ATRNL1: variants seen among roughly 807,000 people sequenced by gnomAD.
ATRNL1 encodes the protein attractin-like protein 1.
ATRNL1 carries 95 observed loss-of-function variants against 182.7 expected under a neutral mutation model. The observed-to-expected ratio is 0.52, with a 90% CI of 0.44 to 0.62. The LOEUF is 0.62. Ranked by LOEUF, ATRNL1 falls within the 20% of genes least tolerant of loss-of-function variation. The probability of loss-of-function intolerance (pLI) is 0.00; values close to 1 mark genes in which losing one functional copy is unlikely to be tolerated. For missense variants in ATRNL1, 1,471 were observed against 1,679.5 expected, an observed-to-expected ratio of 0.88 and a Z score of 2.17; for synonymous variants, 576 against 568.3, an observed-to-expected ratio of 1.01 and a Z score of -0.19.
intron 9 of ATRNL1, among the ~76,000 whole-genome samples, chr10:115,222,641 C>T (rs1287044942): frequency 1.9e-4 from 29 of 152,092 alleles, no homozygotes; most frequent in Admixed American, 1.8e-3. Context: ...ATCCAGAATA[C>T]ATGTTTTCAA....
chr10:115,361,312 T>C (rs566486719), intron 19 of ATRNL1, among the ~76,000 whole-genome samples: 1 of 152,044 alleles, frequency 6.6e-6, no homozygotes, highest in African/African-American at 2.4e-5. Flanking sequence ...TGTCTATGTA[T>C]GTATGTATGT....
At chr10:115,249,595 G>A (rs115607477) in intron 10 of ATRNL1, among the ~76,000 whole-genome samples, 1,788 of 152,158 alleles carry the variant, frequency 0.012, 34 homozygotes, top group African/African-American at 0.04. Context: ...TTGATCTTAT[G>A]TGTATTGAGT....
chr10:115,820,225 C>A (rs1950260311), intron 27 of ATRNL1: 1 of 152,126 alleles, frequency 6.6e-6, no homozygotes, highest in Non-Finnish European at 1.5e-5. Context: ...TTTTCCCCTT[C>A]ATCATTTCAT....
At chr10:115,391,509 T>G (rs1844016029) in intron 19 of ATRNL1, among the ~76,000 whole-genome samples, 1 of 152,148 alleles carries the variant, frequency 6.6e-6, no homozygotes, top group Non-Finnish European at 1.5e-5. Context: ...AGTTGAGTGC[T>G]TATTTCATTC....
At chr10:115,192,163 A>T (rs1195532429) in intron 8 of ATRNL1, among the ~76,000 whole-genome samples, 1 of 152,000 alleles carries the variant, frequency 6.6e-6, no homozygotes, top group African/African-American at 2.4e-5. Context: ...TACTCAAGAA[A>T]TCTGCCCAGA....
chr10:115,155,699 A>G (rs1405480198), intron 5 of ATRNL1, among the ~76,000 whole-genome samples: 1 of 152,110 alleles, frequency 6.6e-6, no homozygotes, highest in Non-Finnish European at 1.5e-5. Flanking sequence ...AGTACTTTTC[A>G]TTGTATTTTA....
At chr10:115,840,070 G>A (rs1013036575) in intron 27 of ATRNL1, among the ~76,000 whole-genome samples, 1 of 152,146 alleles carries the variant, frequency 6.6e-6, no homozygotes, top group African/African-American at 2.4e-5. Context: ...AAATGCCTCA[G>A]TCTTAGGTGC....
chr10:115,888,013 A>G (rs1161090239), intron 28 of ATRNL1, among the ~76,000 whole-genome samples: 1 of 152,150 alleles, frequency 6.6e-6, no homozygotes, highest in Non-Finnish European at 1.5e-5. Context: ...CAGCTTGCTT[A>G]AAACGTCCAA....
At chr10:115,887,306 A>G (rs996239368) in intron 28 of ATRNL1, among the ~76,000 whole-genome samples, 8 of 152,300 alleles carry the variant, frequency 5.3e-5, no homozygotes, top group South Asian at 2.1e-4. Context: ...AATATTACAA[A>G]ATATCATAAA....
At chr10:115,107,879 C>T (rs1352088428) in intron 1 of ATRNL1, among the ~76,000 whole-genome samples, 1 of 152,138 alleles carries the variant, frequency 6.6e-6, no homozygotes, top group Non-Finnish European at 1.5e-5. Flanking sequence ...GGAGCAGATA[C>T]TTGAGGCAGC....
At chr10:115,241,147 TTTA>T (rs1430965088) in intron 9 of ATRNL1, among the ~76,000 whole-genome samples, 1 of 151,910 alleles carries the variant, frequency 6.6e-6, no homozygotes, top group Non-Finnish European at 1.5e-5. Flanking sequence ...ATCTTAAAAG[TTTA>T]TTATGGAGTC....
At chr10:115,209,688 C>T (rs1198915711) in intron 8 of ATRNL1, among the ~76,000 whole-genome samples, 3 of 151,556 alleles carry the variant, frequency 2.0e-5, no homozygotes, top group East Asian at 1.9e-4. Flanking sequence ...AAAAAATTCA[C>T]GCATATGCAA....
At chr10:115,490,926 T>A (rs1849269844) in intron 24 of ATRNL1, among the ~76,000 whole-genome samples, 1 of 152,196 alleles carries the variant, frequency 6.6e-6, no homozygotes, top group Non-Finnish European at 1.5e-5. Flanking sequence ...GTGGACATCC[T>A]TTTTGTTGAT....
At chr10:115,549,841 T>A (rs1554995052) in intron 26 of ATRNL1, among the ~76,000 whole-genome samples, 5 of 152,032 alleles carry the variant, frequency 3.3e-5, no homozygotes, top group African/African-American at 1.2e-4. Flanking sequence ...CATTTAGTTA[T>A]GCTATAAAGA....
Position 115,921,571 on chromosome 10 carries a change from A to G in ATRNL1, c.4019-23087A>G, listed in dbSNP as rs144563340. 7.7e-4 allele frequency among the ~76,000 whole-genome samples: 117 copies of G among 152,300 alleles called. 1 individual carries two copies. The highest frequency in any genetic ancestry group is 2.4e-3 in the African/African-American group (100 of 41,566). On this transcript the variant is annotated intron_variant, in intron 28 of 28. Coordinates refer to ENST00000355044, the MANE Select transcript of ATRNL1 (RefSeq NM_207303.4). ...CCCCCATATTTCTGGTTTTCACTGT[A>G]TGATAGTTTGATAATACAGCCCAAA...
intron 3 of ATRNL1, among the ~76,000 whole-genome samples, chr10:115,122,152 G>A (rs1844766136): frequency 6.6e-6 from 1 of 151,672 alleles, no homozygotes; most frequent in South Asian, 2.1e-4. Flanking sequence ...AAATAGACAA[G>A]TTTTGTTTTT....
chr10:115,906,715 G>A (rs1952513556), intron 28 of ATRNL1, among the ~76,000 whole-genome samples: 1 of 152,054 alleles, frequency 6.6e-6, no homozygotes, highest in East Asian at 1.9e-4. Context: ...TCCAGTACAT[G>A]CCTCCCCCTA....
chr10:115,407,215 CTGTT>C lies in ATRNL1; in HGVS notation c.3269+12467_3269+12470del, dbSNP rs199667727. On this transcript the variant is annotated intron_variant, in intron 20 of 28. Transcript: ENST00000355044. ...AGATAGGGCAATCAGCATTTATAAT[CTGTT>C]TGTGTTAGGAACATTAACACAAATT... Among the ~76,000 whole-genome samples, 708 of 152,172 alleles carry C rather than the reference CTGTT, an allele frequency of 4.7e-3. 4 individuals are homozygous for C. Among genetic ancestry groups the C allele is most frequent in the African/African-American group, 0.016 (677 of 41,544 alleles).
chr10:115,378,221 A>C (rs115261994), intron 19 of ATRNL1, among the ~76,000 whole-genome samples: 1,964 of 152,284 alleles, frequency 0.013, 38 homozygotes, highest in African/African-American at 0.044. Context: ...AGGGGATACA[A>C]CTGATTTATA....
Sources: allele counts gnomAD v4.1 joint callset (sites outside exome capture counted in the v4.1 genomes callset), GRCh38; gene constraint gnomAD v4.1.1; transcripts MANE v1.5; gene names NCBI Gene and HGNC (gene_info 2026-07-23, HGNC 2026-07-21).